The following FBXW7 variants were observed in gnomAD, a reference collection of about 807,000 sequenced individuals.
FBXW7 encodes F-box/WD repeat-containing protein 7.
FBXW7 carries 11 observed loss-of-function variants against 86.3 expected under a neutral mutation model. The observed-to-expected ratio is 0.13, with a 90% CI of 0.08 to 0.21. FBXW7 has a LOEUF of 0.21. FBXW7 is among the 10% of genes least tolerant of loss of function. The pLI, the probability that FBXW7 is intolerant of heterozygous loss-of-function variation, is 1.00. For synonymous variants in FBXW7, 313 were observed against 297.9 expected, an observed-to-expected ratio of 1.05 and a Z score of -0.52; for missense variants, 488 against 847.4, an observed-to-expected ratio of 0.58 and a Z score of 5.27.
chr4:152,526,708 G>A (rs558634801), intron 2 of FBXW7, among the ~76,000 whole-genome samples: 2 of 152,246 alleles, frequency 1.3e-5, no homozygotes, highest in East Asian at 3.9e-4. Flanking sequence ...ATTAGATCCT[G>A]CTATTTCTAA....
intron 2 of FBXW7, among the ~76,000 whole-genome samples, chr4:152,518,823 C>G (rs768919448): frequency 2.3e-4 from 35 of 152,018 alleles, no homozygotes; most frequent in Non-Finnish European, 4.4e-4. Flanking sequence ...TTTTAAATAT[C>G]CTAATGAAAA....
intron 2 of FBXW7, among the ~76,000 whole-genome samples, chr4:152,486,436 CT>C (rs1745347843): frequency 6.6e-6 from 1 of 152,052 alleles, no homozygotes; most frequent in Non-Finnish European, 1.5e-5. Flanking sequence ...TTCCTTTTAT[CT>C]TTATTTTACA....
intron 2 of FBXW7, among the ~76,000 whole-genome samples, chr4:152,471,174 G>A (rs1012907711): frequency 1.5e-5 from 2 of 137,298 alleles, no homozygotes; most frequent in Non-Finnish European, 3.1e-5. Context: ...CTATCCACAA[G>A]CCACAGAAAA....
intron 2 of FBXW7, among the ~76,000 whole-genome samples, chr4:152,422,804 C>CA (rs1246170986): frequency 6.6e-6 from 1 of 152,206 alleles, no homozygotes; most frequent in African/African-American, 2.4e-5. Context: ...TTCTTAATTA[C>CA]ATCCTGTATT....
chr4:152,325,932 G>C lies in FBXW7; in HGVS notation c.1644+74C>G, dbSNP rs1256626925. Reference sequence around the variant, plus strand: ...TTGGACTGTACTGGATCAGCAATTTGACAGTGATTATCTGAGTAAAACAAC... The same window carrying C: ...TTGGACTGTACTGGATCAGCAATTTCACAGTGATTATCTGAGTAAAACAAC... On this transcript the variant is annotated intron_variant, in intron 12 of 13. Transcript: ENST00000281708. 6 of 1,239,190 alleles carry C rather than the reference G, an allele frequency of 4.8e-6. No homozygotes were observed. The African/African-American group carries it at 7.4e-5, about 15-fold the overall frequency. The allele number at this position is 1,239,190 out of a possible 1,614,324, so 76.8% of individuals were successfully genotyped here. A position where few individuals can be genotyped will look rare whatever the true frequency, so the allele number is the denominator to read the frequency against.
intron 2 of FBXW7, among the ~76,000 whole-genome samples, chr4:152,467,902 T>C (rs374807202): frequency 2.6e-5 from 4 of 151,952 alleles, no homozygotes; most frequent in Non-Finnish European, 2.9e-5. Flanking sequence ...TATTTGCAAA[T>C]CATGTATGTG....
At chr4:152,496,087 G>T (rs952675299) in intron 2 of FBXW7, among the ~76,000 whole-genome samples, 1 of 152,090 alleles carries the variant, frequency 6.6e-6, no homozygotes, top group African/African-American at 2.4e-5. Context: ...TGAGGTGGGA[G>T]AATTGCTTGA....
rs966611112 is a variant in FBXW7, at chr4:152,322,574, G to A, written c.*307C>T. 5.4e-6 allele frequency: 2 copies of A among 368,724 alleles called. No individual in the cohort carries two copies. Among genetic ancestry groups the A allele is most frequent in the Admixed American group, 8.5e-5 (2 of 23,530 alleles). The allele number at this position is 368,724 out of a possible 1,614,324, so 22.8% of individuals were successfully genotyped here. A position where few individuals can be genotyped will look rare whatever the true frequency, so the allele number is the denominator to read the frequency against. On this transcript the variant is annotated 3_prime_UTR_variant, in exon 14 of 14. Transcript: ENST00000281708. ...ACACTGCCCAATGACCACTGGAGAA[G>A]AAAATAAAGAAATAATTGCACCTGG...
intron 4 of FBXW7, among the ~76,000 whole-genome samples, chr4:152,367,408 A>G (rs1345708002): frequency 6.6e-6 from 1 of 152,134 alleles, no homozygotes; most frequent in Non-Finnish European, 1.5e-5. Context: ...AAAATTGCCT[A>G]GCTTTATTTT....
chr4:152,408,717 T>C (rs1486085850), intron 4 of FBXW7, among the ~76,000 whole-genome samples: 2 of 152,212 alleles, frequency 1.3e-5, no homozygotes, highest in African/African-American at 2.4e-5. Context: ...GTGATGTTTG[T>C]CAAATTCAAC....
At position 152,352,880 on chromosome 4, in the gene FBXW7, A is replaced by G. The variant is rs1731981822; in HGVS notation, c.502-2756T>C. The G allele has an allele frequency of 2.1e-6, 3 of 1,459,656 alleles. No individual in the cohort carries two copies. The Admixed American group carries it at 7.8e-5, about 38-fold the overall frequency. The allele number at this position is 1,459,656 out of a possible 1,614,324, so 90.4% of individuals were successfully genotyped here. On this transcript the variant is annotated intron_variant, in intron 4 of 13. Transcript: ENST00000281708. ...GATCAGATTACATCTTCCCTTGAAC[A>G]CAGAATGGTGCAGTCCAGGATTCAG...
rs1746942934 is a variant in FBXW7, at chr4:152,501,467, A to C, written c.-120+33474T>G. 4.6e-5 allele frequency among the ~76,000 whole-genome samples: 7 copies of C among 152,240 alleles called. No individual in the cohort carries two copies. In the South Asian group the frequency reaches 1.4e-3, roughly 31 times the overall value. On this transcript the variant is annotated intron_variant, in intron 2 of 13. Transcript: ENST00000281708. ...GAGAACTTATTGCCTAACTTGCTCA[A>C]AGGATAAAAGCAAAGTAATAAAGAA...
At chr4:152,326,325 G>GT in intron 11 of FBXW7, 94 bp from the exon 12 acceptor site, 3 of 741,762 alleles carry the variant, frequency 4.0e-6, no homozygotes, top group Non-Finnish European at 6.3e-6. Context: ...TTTAGTCAAG[G>GT]TTTTTTAGCT....
intron 9 of FBXW7, among the ~76,000 whole-genome samples, chr4:152,330,338 T>C (rs781484066): frequency 4.0e-5 from 6 of 151,872 alleles, no homozygotes; most frequent in Non-Finnish European, 8.8e-5. Context: ...ATGCTTCAAT[T>C]TGTAAAAATA....
At chr4:152,337,743 A>C (rs1450823238) in intron 7 of FBXW7, 59 bp downstream of exon 7, 1 of 1,503,992 alleles carries the variant, frequency 6.6e-7, no homozygotes, top group Non-Finnish European at 9.0e-7. Context: ...TAAAGGTGGT[A>C]GCTGTTGAGT....
At chr4:152,326,315 T>C in intron 11 of FBXW7, 84 bp from the exon 12 acceptor site, 1 of 1,096,578 alleles carries the variant, frequency 9.1e-7, no homozygotes. Context: ...ACATGGTAGA[T>C]TTAGTCAAGG....
At chr4:152,414,972 T>TG (rs1467515935) in intron 2 of FBXW7, among the ~76,000 whole-genome samples, 1 of 152,056 alleles carries the variant, frequency 6.6e-6, no homozygotes, top group East Asian at 1.9e-4. Context: ...AGGCCTACCT[T>TG]GGGGGAGGGG....
Position 152,320,635 on chromosome 4 carries a change from A to G in FBXW7, c.*2246T>C, listed in dbSNP as rs1434364910. The stretch of plus-strand genomic sequence containing the variant: ...TTGTTGAACAAAACGGCTACAGAAC[A>G]GTCAGAAAGTACCAGAAAAATGGCT... On this transcript the variant is annotated 3_prime_UTR_variant, in exon 14 of 14. Coordinates refer to ENST00000281708, the MANE Select transcript of FBXW7 (RefSeq NM_001349798.2). The G allele has an allele frequency of 6.6e-6, 1 of 152,084 alleles. No individual in the cohort carries two copies. The highest frequency in any genetic ancestry group is 1.5e-5 in the Non-Finnish European group (1 of 68,012). 9.4% of individuals were successfully genotyped at this position (152,084 alleles called of 1,614,324 possible). A position where few individuals can be genotyped will look rare whatever the true frequency, so the allele number is the denominator to read the frequency against.
intron 4 of FBXW7, among the ~76,000 whole-genome samples, chr4:152,398,067 T>C (rs1384642153): frequency 6.6e-6 from 1 of 150,648 alleles, no homozygotes; most frequent in African/African-American, 2.4e-5. Context: ...AGCTGCTTGT[T>C]AAAAAAAAAG....
Sources: gnomAD v4.1 joint callset for allele counts (sites outside exome capture counted in the v4.1 genomes callset) on GRCh38, gnomAD v4.1.1 for gene constraint, MANE v1.5 for transcripts, NCBI Gene and HGNC (gene_info 2026-07-23, HGNC 2026-07-21) for gene names.